The following TM6SF1 variants were observed in gnomAD, a reference collection of about 807,000 sequenced individuals.
TM6SF1 encodes the protein transmembrane 6 superfamily member 1.
In TM6SF1, 43 loss-of-function variants were observed where a neutral mutation model predicts 47.1. That is an observed-to-expected ratio of 0.91 (90% CI 0.72 to 1.18). TM6SF1 has a LOEUF of 1.18. Among genes scored for constraint, TM6SF1 ranks in the 50% most tolerant of loss-of-function variants. The probability of loss-of-function intolerance (pLI) is 0.00; values close to 1 mark genes in which losing one functional copy is unlikely to be tolerated. For synonymous variants in TM6SF1, 177 were observed against 166.3 expected (o/e 1.06, Z -0.49); for missense variants, 390 against 449.0 (o/e 0.87, Z 1.19).
intron 6 of TM6SF1, among the ~76,000 whole-genome samples, chr15:83,124,365 T>TG (rs2035542296): frequency 6.6e-6 from 1 of 152,182 alleles, no homozygotes; most frequent in South Asian, 2.1e-4. Context: ...AATAGTGGTG[T>TG]GGCAGGTTTA....
At chr15:83,126,105 G>A (rs550483768) in intron 7 of TM6SF1, among the ~76,000 whole-genome samples, 1 of 152,142 alleles carries the variant, frequency 6.6e-6, no homozygotes, top group Non-Finnish European at 1.5e-5. Flanking sequence ...TGCAAGGTGG[G>A]TAGGGCTTTT....
intron 2 of TM6SF1, 188 bp downstream of exon 2, chr15:83,113,088 C>T: frequency 1.5e-5 from 9 of 601,210 alleles, no homozygotes; most frequent in Non-Finnish European, 2.7e-5. Context: ...TGGACTCCAC[C>T]CTCTCCCAGG....
intron 2 of TM6SF1, 165 bp from the exon 3 acceptor site, chr15:83,115,680 C>A: frequency 2.9e-6 from 2 of 701,148 alleles, no homozygotes; most frequent in Non-Finnish European, 2.6e-6. Flanking sequence ...AGGTGGAGGT[C>A]CAGCTGGGTG....
intron 1 of TM6SF1, among the ~76,000 whole-genome samples, chr15:83,108,443 G>C (rs532391329): frequency 6.6e-5 from 10 of 152,150 alleles, no homozygotes; most frequent in Non-Finnish European, 1.3e-4. Flanking sequence ...GTGCTTCCCA[G>C]TGCCTGCGCT....
chr15:83,110,605 G>A (rs1247696913), intron 1 of TM6SF1, among the ~76,000 whole-genome samples: 1 of 152,132 alleles, frequency 6.6e-6, no homozygotes, highest in Non-Finnish European at 1.5e-5. Context: ...GTGAAGACTG[G>A]AGTTGTCACC....
At chr15:83,133,288 T>A (rs1399571212) in intron 9 of TM6SF1, 2 of 152,258 alleles carry the variant, frequency 1.3e-5, no homozygotes, top group East Asian at 3.8e-4. Flanking sequence ...ATCATCCCAA[T>A]GGTCACCTAA....
chr15:83,116,227 G>T (rs559062341), intron 3 of TM6SF1, among the ~76,000 whole-genome samples: 3 of 152,290 alleles, frequency 2.0e-5, no homozygotes, highest in Non-Finnish European at 2.9e-5. Flanking sequence ...TATAAATAAG[G>T]TACCTTAAAT....
Position 83,121,790 on chromosome 15 carries a change from CT to C in TM6SF1, c.399-130del, listed in dbSNP as rs1888834054. Reference sequence around the variant, plus strand: ...AGGGCTCCTTGTGTTTGATTTATTCCTCTCAATTCAATATGTTTTGATTGAT... The same window carrying C: ...AGGGCTCCTTGTGTTTGATTTATTCCCTCAATTCAATATGTTTTGATTGAT... On this transcript the variant is annotated intron_variant, in intron 4 of 9. Coordinates refer to ENST00000322019, the MANE Select transcript of TM6SF1 (RefSeq NM_023003.5). 6 of 677,658 alleles carry C rather than the reference CT, an allele frequency of 8.9e-6. No homozygotes were observed. The Admixed American group carries it at 1.9e-4, about 21-fold the overall frequency. 42.0% of individuals were successfully genotyped at this position (677,658 alleles called of 1,614,324 possible). A position where few individuals can be genotyped will look rare whatever the true frequency, so the allele number is the denominator to read the frequency against.
intron 1 of TM6SF1, chr15:83,111,564 T>G: frequency 3.1e-6 from 3 of 964,374 alleles, no homozygotes; most frequent in Non-Finnish European, 3.7e-6. Context: ...TTCTTATCTT[T>G]CTCTCTCCTA....
chr15:83,136,864 CAGTT>C lies in TM6SF1; in HGVS notation c.*193_*196del, dbSNP rs1305571598. On this transcript the variant is annotated 3_prime_UTR_variant, in exon 10 of 10. Coordinates refer to ENST00000322019, the MANE Select transcript of TM6SF1 (RefSeq NM_023003.5). ...AAGGAAAATGGAAATTCTTGAGAAA[CAGTT>C]TGTTTAAAGAAATATATTCAAAATC... The C allele has an allele frequency of 1.2e-5, 5 of 406,922 alleles. No individual in the cohort carries two copies. The highest frequency in any genetic ancestry group is 4.1e-5 in the Admixed American group (1 of 24,358). 25.2% of individuals were successfully genotyped at this position (406,922 alleles called of 1,614,324 possible).
chr15:83,107,701 CG>C lies in TM6SF1; in HGVS notation c.25del (p.Val9SerfsTer28), dbSNP rs771780075. On this transcript the variant is annotated frameshift_variant, in exon 1 of 10. Coordinates refer to ENST00000322019, the MANE Select transcript of TM6SF1 (RefSeq NM_023003.5). LOFTEE classifies it high-confidence loss of function. This position sits in a 1 kb window ranked among gnomAD's most constrained non-coding sequence, Gnocchi z 5.6. MSASAAT[G>X]VFVLSLSAIP... ...CTGCGATGAGTGCCTCTGCGGCCAC[CG>C]GGGTCTTCGTGCTGTCCCTCTCGGC... The C allele has an allele frequency of 7.7e-6, 12 of 1,564,730 alleles. No homozygotes were observed. In the South Asian group the frequency reaches 9.3e-5, roughly 12 times the overall value.
chr15:83,135,013 G>T (rs2036517857), intron 9 of TM6SF1: 1 of 152,174 alleles, frequency 6.6e-6, no homozygotes, highest in Non-Finnish European at 1.5e-5. Context: ...CATCTACCCA[G>T]GGGAGTTGTA....
chr15:83,110,115 C>CT (rs2034012487), intron 1 of TM6SF1, among the ~76,000 whole-genome samples: 1 of 152,098 alleles, frequency 6.6e-6, no homozygotes. Flanking sequence ...CCCACCAAAC[C>CT]TTTTATGCAA....
At chr15:83,135,868 C>T (rs1315773570) in intron 9 of TM6SF1, 1 of 152,058 alleles carries the variant, frequency 6.6e-6, no homozygotes, top group Non-Finnish European at 1.5e-5. Flanking sequence ...ACAAACAACC[C>T]TTAATATTTT....
In TM6SF1 at chr15:83,136,472, A is replaced by AAT. The variant is rs2036618915; in HGVS notation, c.922-9_922-8insAT. The AAT allele has an allele frequency of 1.3e-6, 2 of 1,568,024 alleles. No homozygotes were observed. Among genetic ancestry groups the AAT allele is most frequent in the South Asian group, 2.4e-5 (2 of 83,220 alleles). ...TGCTTACTCAATTTTTTTTTTTTAAATGCAACAGGCTCAGTTTTCTCACAT... is the reference window on the plus strand; with the variant it reads ...TGCTTACTCAATTTTTTTTTTTTAAAATTGCAACAGGCTCAGTTTTCTCACAT... On this transcript the variant is annotated splice_polypyrimidine_tract_variant and intron_variant, in intron 9 of 9. Transcript: ENST00000322019.
chr15:83,119,316 T>C (rs1331741015), intron 3 of TM6SF1, among the ~76,000 whole-genome samples: 1 of 152,250 alleles, frequency 6.6e-6, no homozygotes, highest in African/African-American at 2.4e-5. Flanking sequence ...TGCCTTCGCA[T>C]CACAGTACAA....
intron 4 of TM6SF1, among the ~76,000 whole-genome samples, chr15:83,120,984 G>A (rs1423393626): frequency 6.6e-6 from 1 of 152,034 alleles, no homozygotes; most frequent in Non-Finnish European, 1.5e-5. Flanking sequence ...CAGTATTCTC[G>A]TTTCCCTTCA....
In TM6SF1 at chr15:83,115,831, T is replaced by C. The variant is rs1442843803; in HGVS notation, c.197-14T>C. On this transcript the variant is annotated splice_polypyrimidine_tract_variant and intron_variant, in intron 2 of 9. Transcript: ENST00000322019. ...GAGCTATTGCTTTTTAAACTGCTGC[T>C]TTCTTTGCTCTAGTGTATGCAGTTT... is the stretch of plus-strand genomic sequence containing the variant. 6.3e-7 allele frequency: 1 copy of C among 1,595,718 alleles called. No individual in the cohort carries two copies. The highest frequency in any genetic ancestry group is 1.1e-5 in the South Asian group (1 of 90,666).
intron 6 of TM6SF1, among the ~76,000 whole-genome samples, chr15:83,124,228 TA>T (rs2035529473): frequency 6.6e-6 from 1 of 152,162 alleles, no homozygotes; most frequent in South Asian, 2.1e-4. Context: ...TATACAGGAA[TA>T]ATTTTATATA....
Sources: gnomAD v4.1 joint callset for allele counts (sites outside exome capture counted in the v4.1 genomes callset) on GRCh38, gnomAD v4.1.1 for gene constraint, Gnocchi (gnomAD v3.1) non-coding constraint, MANE v1.5 for transcripts, NCBI Gene and HGNC (gene_info 2026-07-23, HGNC 2026-07-21) for gene names.